The following CUEDC1 variants were observed in gnomAD, a reference collection of about 807,000 sequenced individuals.
CUEDC1 encodes CUE domain-containing protein 1.
CUEDC1 carries 30 observed loss-of-function variants against 43.7 expected under a neutral mutation model. The observed-to-expected ratio is 0.69, with a 90% CI of 0.51 to 0.93. CUEDC1 has a LOEUF of 0.93. CUEDC1 is among the 40% of genes least tolerant of loss of function. The pLI is 0.00. For missense variants in CUEDC1, 486 were observed against 549.0 expected (o/e 0.89, Z 1.15); for synonymous variants, 223 against 223.6 (o/e 1.00, Z 0.02).
chr17:57,866,641 T>C, intron 9 of CUEDC1, 97 bp from the exon 10 acceptor site: 1 of 1,216,070 alleles, frequency 8.2e-7, no homozygotes, highest in Non-Finnish European at 1.2e-6. Context: ...CGACTCTCTC[T>C]GCCCCCTTCA....
At position 57,905,249 on chromosome 17, in the gene CUEDC1, G is replaced by GACACACACACACACACAC. The variant is rs761744709; in HGVS notation, c.-315-19388_-315-19371dup. Among the ~76,000 whole-genome samples, 1,195 of 127,968 alleles carry GACACACACACACACACAC rather than the reference G, an allele frequency of 9.3e-3. 37 individuals carry two copies. Among genetic ancestry groups the GACACACACACACACACAC allele is most frequent in the East Asian group, 0.023 (84 of 3,716 alleles). The allele number at this position is 127,968 out of a possible 152,430, so 84.0% of individuals were successfully genotyped here. On this transcript the variant is annotated intron_variant, in intron 1 of 10. Transcript: ENST00000577830. ...GGCTACAGCTTCTCTCTCTCTCTCT[G>GACACACACACACACACAC]ACACACACACACACACACACACACA...
In CUEDC1 at chr17:57,862,071, AG is replaced by A. The variant is rs1347369044; in HGVS notation, c.*1217del. The A allele has an allele frequency of 1.3e-5, 2 of 152,186 alleles. No individual in the cohort carries two copies. Among genetic ancestry groups the A allele is most frequent in the African/African-American group, 4.8e-5 (2 of 41,446 alleles). 9.4% of individuals were successfully genotyped at this position (152,186 alleles called of 1,614,324 possible). ...CACGGAGGCCACCAGGGCCCGGCCA[AG>A]GATCGGATGCCACTCCCAACCTCCC... is the stretch of plus-strand genomic sequence containing the variant. On this transcript the variant is annotated 3_prime_UTR_variant, in exon 11 of 11. Coordinates refer to ENST00000577830, the MANE Select transcript of CUEDC1 (RefSeq NM_001271875.2).
intron 3 of CUEDC1, 30 bp downstream of exon 3, chr17:57,879,581 C>T: frequency 3.2e-6 from 5 of 1,565,816 alleles, no homozygotes; most frequent in Non-Finnish European, 4.3e-6. Flanking sequence ...TCCCTGCCAC[C>T]CTGTGCTCTG....
chr17:57,940,391 G>A lies in CUEDC1; in HGVS notation c.-316+14834C>T, dbSNP rs985753408. On this transcript the variant is annotated intron_variant, in intron 1 of 10. Transcript: ENST00000577830. ...GCTCTTCTCTCCTCTACATTTGCCAGCCTTCCTTGCAGTGAGGTCGGCCCC... is the reference window on the plus strand; with the variant it reads ...GCTCTTCTCTCCTCTACATTTGCCAACCTTCCTTGCAGTGAGGTCGGCCCC... 2.6e-5 allele frequency among the ~76,000 whole-genome samples: 4 copies of A among 152,144 alleles called. No individual in the cohort carries two copies. The East Asian group carries it at 5.8e-4, about 22-fold the overall frequency.
At chr17:57,878,202 C>CT (rs2074154164) in intron 3 of CUEDC1, among the ~76,000 whole-genome samples, 1 of 152,176 alleles carries the variant, frequency 6.6e-6, no homozygotes, top group Admixed American at 6.5e-5. Context: ...GAGTGATTAG[C>CT]TTTAAGTCAG....
intron 1 of CUEDC1, among the ~76,000 whole-genome samples, chr17:57,893,654 A>G (rs532487598): frequency 6.6e-6 from 1 of 152,224 alleles, no homozygotes; most frequent in African/African-American, 2.4e-5. Context: ...GGCAAAGAGG[A>G]CCCTCGGGCA....
At chr17:57,953,579 G>A (rs1159204445) in intron 1 of CUEDC1, among the ~76,000 whole-genome samples, 10 of 152,130 alleles carry the variant, frequency 6.6e-5, no homozygotes, top group Admixed American at 6.5e-4. Context: ...GTTCCAAGGG[G>A]GTATATTAAC....
intron 1 of CUEDC1, among the ~76,000 whole-genome samples, chr17:57,943,107 T>C (rs1276485741): frequency 6.6e-6 from 1 of 152,200 alleles, no homozygotes; most frequent in Non-Finnish European, 1.5e-5. Context: ...TGCCTCCCTA[T>C]TCTTTTCCCT....
chr17:57,875,380 G>A (rs762650823), intron 3 of CUEDC1, among the ~76,000 whole-genome samples: 5 of 152,152 alleles, frequency 3.3e-5, no homozygotes, highest in Non-Finnish European at 5.9e-5. Context: ...CAAGGTGGAG[G>A]AGGCCCCTGT....
intron 1 of CUEDC1, among the ~76,000 whole-genome samples, chr17:57,931,015 G>A (rs1294923208): frequency 6.6e-6 from 1 of 152,178 alleles, no homozygotes; most frequent in African/African-American, 2.4e-5. Flanking sequence ...CTGGCCGGGT[G>A]TGGTGGCTCC....
rs774658886 is a variant in CUEDC1 at position 57,871,277 on chromosome 17, CAA to C, written c.868+7_868+8del. The C allele has an allele frequency of 6.2e-7, 1 of 1,611,098 alleles. No individual in the cohort carries two copies. Among genetic ancestry groups the C allele is most frequent in the Admixed American group, 1.7e-5 (1 of 60,034 alleles). On this transcript the variant is annotated splice_region_variant and intron_variant, in intron 6 of 10. Transcript: ENST00000577830. The stretch of plus-strand genomic sequence containing the variant: ...CCTCTAGGTTTTCTTCCCCAGAAGG[CAA>C]AGTTACCTGGGACAGGAGAGGAAAA...
At chr17:57,885,093 T>G in intron 2 of CUEDC1, 136 bp downstream of exon 2, 1 of 1,425,638 alleles carries the variant, frequency 7.0e-7, no homozygotes, top group South Asian at 1.7e-5. Context: ...GCTTGCTAAT[T>G]AGAACCCAGA....
chr17:57,934,014 T>C (rs1291240680), intron 1 of CUEDC1, among the ~76,000 whole-genome samples: 1 of 152,064 alleles, frequency 6.6e-6, no homozygotes, highest in African/African-American at 2.4e-5. Flanking sequence ...GAAAGAATAT[T>C]TAAAGCCAAG....
At chr17:57,938,322 C>A (rs2143193185) in intron 1 of CUEDC1, among the ~76,000 whole-genome samples, 1 of 152,368 alleles carries the variant, frequency 6.6e-6, no homozygotes, top group South Asian at 2.1e-4. Flanking sequence ...GCCCTATAAA[C>A]CTAGCTTAAC....
At chr17:57,917,906 C>T (rs1005482153) in intron 1 of CUEDC1, among the ~76,000 whole-genome samples, 3 of 152,238 alleles carry the variant, frequency 2.0e-5, no homozygotes, top group African/African-American at 7.2e-5. Flanking sequence ...CTAGGAATGC[C>T]AGCTGGCTTT....
intron 1 of CUEDC1, among the ~76,000 whole-genome samples, chr17:57,891,198 T>G (rs578080938): frequency 9.2e-5 from 14 of 152,284 alleles, no homozygotes; most frequent in Admixed American, 3.3e-4. Flanking sequence ...CACTTGGACA[T>G]CCAACAGCAG....
At chr17:57,913,054 A>G (rs2074601008) in intron 1 of CUEDC1, among the ~76,000 whole-genome samples, 1 of 152,116 alleles carries the variant, frequency 6.6e-6, no homozygotes, top group African/African-American at 2.4e-5. Flanking sequence ...CTCCGGGCAC[A>G]GTGGCTCACA....
chr17:57,867,039 G>A lies in CUEDC1; in HGVS notation c.1093+318C>T, dbSNP rs150076416. On this transcript the variant is annotated intron_variant, in intron 9 of 10. Transcript: ENST00000577830. ...CTGCCCAGTGCTTGGTTCTCAGGCC[G>A]AGGGTCCCCCATGGGGGCAGGCCTG... 1,262 of 459,370 alleles carry A rather than the reference G, an allele frequency of 2.7e-3. 12 individuals are homozygous for A. Among genetic ancestry groups the A allele is most frequent in the African/African-American group, 0.021 (1,079 of 51,284 alleles). 28.5% of individuals were successfully genotyped at this position (459,370 alleles called of 1,614,324 possible).
chr17:57,871,170 C>T, intron 6 of CUEDC1, 116 bp downstream of exon 6: 2 of 825,670 alleles, frequency 2.4e-6, no homozygotes, highest in Middle Eastern at 6.4e-4. Context: ...GAGGCCCAGG[C>T]CCCCTCCCAC....
Sources: allele counts gnomAD v4.1 joint callset (sites outside exome capture counted in the v4.1 genomes callset), GRCh38; gene constraint gnomAD v4.1.1; transcripts MANE v1.5; gene names NCBI Gene and HGNC (gene_info 2026-07-23, HGNC 2026-07-21).